The following LAMC1 variants were observed in gnomAD, a reference collection of about 807,000 sequenced individuals.
LAMC1 encodes the protein laminin subunit gamma 1, also known as laminin subunit gamma-1.
A neutral mutation model predicts 173.6 loss-of-function variants in LAMC1; 38 were observed. The observed-to-expected ratio is 0.22, with a 90% CI of 0.17 to 0.29. LAMC1 has a LOEUF of 0.29. Ranked by LOEUF, LAMC1 falls within the 10% of genes least tolerant of loss-of-function variation. LAMC1 has a pLI of 1.00. For missense variants in LAMC1, 1,824 were observed against 2,051.8 expected, an observed-to-expected ratio of 0.89 and a Z score of 2.14; for synonymous variants, 746 against 749.1, an observed-to-expected ratio of 1.00 and a Z score of 0.07.
At position 183,103,561 on chromosome 1, in the gene LAMC1, G is replaced by A; in HGVS notation, c.652G>A (p.Gly218Ser). 6.2e-7 allele frequency: 1 copy of A among 1,612,820 alleles called. No individual in the cohort carries two copies. The highest frequency in any genetic ancestry group is 8.5e-7 in the Non-Finnish European group (1 of 1,179,142). Residue 218 changes from glycine (G) to serine (S), a missense_variant, in exon 2 of 28, where the codon GGC becomes AGC. Gly to Ser is a moderately conservative substitution (Grantham distance 56). Coordinates refer to ENST00000258341, the MANE Select transcript of LAMC1 (RefSeq NM_002293.4). ...EFSDISPLTG[G>S]NVAFSTLEGR... ...CAGTGACATTTCTCCCCTCACTGGGGGCAACGTGGCCTTTTCTACCCTGGA... is the reference window on the plus strand; with the variant it reads ...CAGTGACATTTCTCCCCTCACTGGGAGCAACGTGGCCTTTTCTACCCTGGA...
Position 183,127,405 on chromosome 1 carries a change from G to C in LAMC1, c.3123+1G>C, listed in dbSNP as rs1308551809. On this transcript the variant is annotated splice_donor_variant, in intron 17 of 27. Coordinates refer to ENST00000258341, the MANE Select transcript of LAMC1 (RefSeq NM_002293.4). LOFTEE classifies it high-confidence loss of function. ...TTGTTACCGGCTGGTAAAGGATAAGGTAAGCTGTCAATAGTGCATTCATTC... is the reference window on the plus strand; with the variant it reads ...TTGTTACCGGCTGGTAAAGGATAAGCTAAGCTGTCAATAGTGCATTCATTC... 6.2e-7 allele frequency: 1 copy of C among 1,613,748 alleles called. No homozygotes were observed. Among genetic ancestry groups the C allele is most frequent in the Non-Finnish European group, 8.5e-7 (1 of 1,179,820 alleles).
intron 2 of LAMC1, among the ~76,000 whole-genome samples, chr1:183,105,631 C>A (rs1465251349): frequency 9.1e-6 from 1 of 109,440 alleles, no homozygotes; most frequent in African/African-American, 2.9e-5. Flanking sequence ...TATGACCTTG[C>A]ATTTAAAAAA....
At chr1:183,095,389 C>G (rs573433215) in intron 1 of LAMC1, among the ~76,000 whole-genome samples, 6 of 152,164 alleles carry the variant, frequency 3.9e-5, no homozygotes, top group Non-Finnish European at 8.8e-5. Flanking sequence ...AAACTATAGC[C>G]AGCTTTCAAT....
chr1:183,125,436 G>A lies in LAMC1; in HGVS notation c.2687G>A (p.Ser896Asn). ...CNLYGTMKQQSSCNPVTGQCE... is the reference protein window; with the variant it reads ...CNLYGTMKQQNSCNPVTGQCE... The stretch of plus-strand genomic sequence containing the variant: ...CTGTATGGGACCATGAAGCAGCAGA[G>A]CAGCTGTAACCCCGTGACGGGGCAG... The change falls in exon 15 of 28, where the codon AGC becomes AAC. Residue 896 changes from serine to asparagine, a missense_variant. Physicochemically the swap from Ser to Asn is conservative, Grantham distance 46. Coordinates refer to ENST00000258341, the MANE Select transcript of LAMC1 (RefSeq NM_002293.4). 1 of 1,614,164 alleles carries A rather than the reference G, an allele frequency of 6.2e-7. No individual in the cohort carries two copies.
At position 183,024,276 on chromosome 1, in the gene LAMC1, C is replaced by A. The variant is rs923147759; in HGVS notation, c.418+142C>A. The A allele has an allele frequency of 7.5e-5, 58 of 772,344 alleles. No homozygotes were observed. The African/African-American group carries it at 9.9e-4, about 13-fold the overall frequency. 47.8% of individuals were successfully genotyped at this position (772,344 alleles called of 1,614,324 possible). ...CCCCGGCATGGGCCACACAGAAACT[C>A]CTTTCTCCAACTTCTTAAATAGATA... is the stretch of plus-strand genomic sequence containing the variant. On this transcript the variant is annotated intron_variant, in intron 1 of 27. Coordinates refer to ENST00000258341, the MANE Select transcript of LAMC1 (RefSeq NM_002293.4).
intron 1 of LAMC1, among the ~76,000 whole-genome samples, chr1:183,054,705 ACTTTATG>A (rs1558033998): frequency 1.3e-5 from 2 of 152,268 alleles, no homozygotes; most frequent in African/African-American, 4.8e-5. Flanking sequence ...TTTAGTGTCT[ACTTTATG>A]CTAGACACAG....
At chr1:183,141,708 A>G (rs896278310) in intron 27 of LAMC1, among the ~76,000 whole-genome samples, 6 of 152,372 alleles carry the variant, frequency 3.9e-5, no homozygotes, top group Non-Finnish European at 5.9e-5. Context: ...ACAGATGGAT[A>G]TAAAATGAAA....
At chr1:183,114,498 G>A (rs1656261211) in intron 4 of LAMC1, 33 bp from the exon 5 acceptor site, 1 of 1,609,926 alleles carries the variant, frequency 6.2e-7, no homozygotes, top group African/African-American at 1.3e-5. Flanking sequence ...AAGGTACCCA[G>A]ATCTGATGTA....
chr1:183,080,254 T>A (rs1889307), intron 1 of LAMC1, among the ~76,000 whole-genome samples: 75,708 of 150,818 alleles, frequency 0.5, 19,524 homozygotes, highest in South Asian at 0.63. Flanking sequence ...GAAAAAAAAA[T>A]TTTTTTTGCT....
intron 1 of LAMC1, among the ~76,000 whole-genome samples, chr1:183,075,326 G>A (rs956219475): frequency 6.6e-6 from 1 of 152,068 alleles, no homozygotes; most frequent in Non-Finnish European, 1.5e-5. Flanking sequence ...ATGTTGCCCA[G>A]GCTGGTCTCA....
At chr1:183,110,328 T>G (rs934145444) in intron 3 of LAMC1, among the ~76,000 whole-genome samples, 160 bp from the exon 4 acceptor site, 4 of 152,226 alleles carry the variant, frequency 2.6e-5, no homozygotes, top group African/African-American at 9.6e-5. Context: ...TAATTTTTTT[T>G]ATCCTTAAAA....
chr1:183,118,083 G>C lies in LAMC1; in HGVS notation c.1927G>C (p.Glu643Gln). 1 of 1,613,750 alleles carries C rather than the reference G, an allele frequency of 6.2e-7. No homozygotes were observed. The highest frequency in any genetic ancestry group is 8.5e-7 in the Non-Finnish European group (1 of 1,179,720). Residue 643 changes from glutamate to glutamine, a missense_variant, in exon 11 of 28, where the codon GAA becomes CAA. Glu to Gln is a conservative substitution (Grantham distance 29). Coordinates refer to ENST00000258341, the MANE Select transcript of LAMC1 (RefSeq NM_002293.4). ...YPWRPALTPF[E>Q]FQKLLNNLTS... ...TTGGAGGCCTGCTCTTACCCCTTTT[G>C]AATTTCAGAAGCTCCTAAACAACTT...
At chr1:183,125,647 T>G (rs1656599945) in intron 15 of LAMC1, 97 bp downstream of exon 15, 2 of 920,190 alleles carry the variant, frequency 2.2e-6, no homozygotes, top group African/African-American at 3.4e-5. Flanking sequence ...TGTTCAGAAA[T>G]TACTGGAGCG....
intron 1 of LAMC1, among the ~76,000 whole-genome samples, chr1:183,029,790 G>A (rs1653802813): frequency 6.6e-6 from 1 of 152,130 alleles, no homozygotes; most frequent in Non-Finnish European, 1.5e-5. Context: ...ACGAGTCAGG[G>A]GTTTAGTAAT....
chr1:183,065,242 CATT>C (rs1163225456), intron 1 of LAMC1, among the ~76,000 whole-genome samples: 1 of 152,120 alleles, frequency 6.6e-6, no homozygotes, highest in Admixed American at 6.5e-5. Context: ...TTGACTGAAA[CATT>C]GTTATGCAGT....
At chr1:183,029,576 G>T (rs996573280) in intron 1 of LAMC1, among the ~76,000 whole-genome samples, 1 of 152,122 alleles carries the variant, frequency 6.6e-6, no homozygotes, top group African/African-American at 2.4e-5. Flanking sequence ...TCACAGGGCT[G>T]TTCTTTGGTT....
chr1:183,089,457 A>C (rs985643487), intron 1 of LAMC1, among the ~76,000 whole-genome samples: 11 of 152,358 alleles, frequency 7.2e-5, no homozygotes, highest in African/African-American at 2.6e-4. Flanking sequence ...ACCTTCACTG[A>C]ATATGCTATA....
At chr1:183,098,672 C>T (rs562465983) in intron 1 of LAMC1, among the ~76,000 whole-genome samples, 5 of 152,266 alleles carry the variant, frequency 3.3e-5, no homozygotes, top group South Asian at 4.1e-4. Context: ...CTGTCTTTGC[C>T]GCCAGTCTTG....
At chr1:183,106,508 T>A (rs985466384) in intron 2 of LAMC1, among the ~76,000 whole-genome samples, 4 of 152,144 alleles carry the variant, frequency 2.6e-5, no homozygotes, top group African/African-American at 9.7e-5. Context: ...AGGCAGTGGT[T>A]CCAAATCAGA....
Sources: gnomAD v4.1 joint callset for allele counts (sites outside exome capture counted in the v4.1 genomes callset) on GRCh38, gnomAD v4.1.1 for gene constraint, MANE v1.5 for transcripts, NCBI Gene and HGNC (gene_info 2026-07-23, HGNC 2026-07-21) for gene names.